Variants in CLVS1 observed in about 807,000 individuals in gnomAD.
CLVS1 encodes clavesin-1.
A neutral mutation model predicts 33.1 loss-of-function variants in CLVS1; 10 were observed. The observed-to-expected ratio is 0.30, with a 90% CI of 0.19 to 0.51. The LOEUF (loss-of-function observed/expected upper bound fraction) is 0.51. Among genes scored for constraint, CLVS1 ranks in the 20% least tolerant of loss-of-function variants. The pLI is 0.97. For synonymous variants in CLVS1, 163 were observed against 166.1 expected (o/e 0.98, Z 0.14); for missense variants, 343 against 433.4 (o/e 0.79, Z 1.85).
chr8:61,031,137 G>A, the CLVS1 span, among the ~76,000 whole-genome samples: 3 of 152,204 alleles, frequency 2.0e-5, no homozygotes, highest in African/African-American at 7.2e-5. Flanking sequence ...GATTCTGCAA[G>A]AAGAACAGAA....
intron 3 of CLVS1, among the ~76,000 whole-genome samples, chr8:61,437,219 C>A (rs1441946594): frequency 6.6e-6 from 1 of 152,144 alleles, no homozygotes; most frequent in African/African-American, 2.4e-5. Context: ...AACTTGTAAT[C>A]CCTTCATTTG....
At chr8:61,296,936 T>C (rs1017350874) in intron 1 of CLVS1, among the ~76,000 whole-genome samples, 3 of 152,112 alleles carry the variant, frequency 2.0e-5, no homozygotes, top group African/African-American at 7.2e-5. Flanking sequence ...GAAAGGAAAA[T>C]GGCAGTAGAA....
chr8:61,497,319 A>G (rs1000930343), intron 5 of CLVS1, among the ~76,000 whole-genome samples: 3 of 152,154 alleles, frequency 2.0e-5, no homozygotes, highest in African/African-American at 7.2e-5. Flanking sequence ...GTAAGTTTCC[A>G]GTTGTCCTTC....
chr8:60,992,037 C>G, the CLVS1 span, among the ~76,000 whole-genome samples: 1 of 152,156 alleles, frequency 6.6e-6, no homozygotes, highest in Non-Finnish European at 1.5e-5. Context: ...CGTGAGCCAC[C>G]ACACCTGGCC....
chr8:61,196,085 AG>A (rs1485517092), intron 2 of CLVS1, among the ~76,000 whole-genome samples: 2 of 152,186 alleles, frequency 1.3e-5, no homozygotes, highest in Admixed American at 6.6e-5. Flanking sequence ...GAAACATTCT[AG>A]AAGAATTAAA....
At chr8:61,148,434 A>G (rs781707910) in intron 2 of CLVS1, among the ~76,000 whole-genome samples, 1 of 152,218 alleles carries the variant, frequency 6.6e-6, no homozygotes, top group Non-Finnish European at 1.5e-5. Context: ...CTCAATAGAA[A>G]AAAGTCCACA....
At chr8:61,178,986 A>G (rs1238916864) in intron 2 of CLVS1, among the ~76,000 whole-genome samples, 1 of 152,258 alleles carries the variant, frequency 6.6e-6, no homozygotes, top group Non-Finnish European at 1.5e-5. Context: ...GATCAAATTC[A>G]CACAAAAGAA....
At chr8:61,098,096 G>A (rs572697727) in intron 1 of CLVS1, among the ~76,000 whole-genome samples, 1 of 152,104 alleles carries the variant, frequency 6.6e-6, no homozygotes, top group East Asian at 1.9e-4. Context: ...GGAGTATGAG[G>A]CTGCAGTGAG....
At chr8:61,495,122 G>A (rs1350041134) in intron 5 of CLVS1, among the ~76,000 whole-genome samples, 1 of 152,158 alleles carries the variant, frequency 6.6e-6, no homozygotes, top group African/African-American at 2.4e-5. Flanking sequence ...TTGACTCAAT[G>A]TGGAGGGGGA....
intron 5 of CLVS1, among the ~76,000 whole-genome samples, chr8:61,468,718 A>T (rs1208894825): frequency 5.7e-5 from 1 of 17,676 alleles, no homozygotes; most frequent in East Asian, 2.8e-3. Context: ...AAAAGTACTA[A>T]AAAAAAAAAA....
chr8:61,315,264 T>G (rs774569387), intron 2 of CLVS1, among the ~76,000 whole-genome samples: 5 of 152,246 alleles, frequency 3.3e-5, no homozygotes, highest in Non-Finnish European at 5.9e-5. Context: ...TTTTCATTTT[T>G]AGACTTTTTG....
the CLVS1 span, among the ~76,000 whole-genome samples, chr8:61,049,548 T>C: frequency 9.9e-5 from 15 of 152,248 alleles, no homozygotes; most frequent in Non-Finnish European, 1.6e-4. Context: ...TACCACAATC[T>C]GAGGTCCAGT....
chr8:60,979,293 T>A, the CLVS1 span, among the ~76,000 whole-genome samples: 1 of 152,230 alleles, frequency 6.6e-6, no homozygotes, highest in Non-Finnish European at 1.5e-5. Context: ...CTCCCCTCGA[T>A]GGGGCCTGCC....
intron 2 of CLVS1, among the ~76,000 whole-genome samples, chr8:61,369,949 A>G (rs1346974523): frequency 6.6e-6 from 1 of 152,238 alleles, no homozygotes; most frequent in Non-Finnish European, 1.5e-5. Flanking sequence ...CTGAAACTGT[A>G]AGAACCACAT....
At chr8:61,034,862 C>G in the CLVS1 span, among the ~76,000 whole-genome samples, 45 of 152,164 alleles carry the variant, frequency 3.0e-4, no homozygotes, top group African/African-American at 1.0e-3. Context: ...CAGGATACAT[C>G]AGATCAAACT....
intron 2 of CLVS1, among the ~76,000 whole-genome samples, chr8:61,167,429 G>T (rs370080373): frequency 2.0e-5 from 3 of 151,938 alleles, no homozygotes; most frequent in South Asian, 4.2e-4. Flanking sequence ...TGATCCACCC[G>T]CCTCGGCCTC....
chr8:60,972,895 G>A, the CLVS1 span, among the ~76,000 whole-genome samples: 3 of 152,190 alleles, frequency 2.0e-5, no homozygotes, highest in Non-Finnish European at 2.9e-5. Context: ...TCTCTCTATT[G>A]CAATTCCTCA....
chr8:60,976,095 T>C, the CLVS1 span, among the ~76,000 whole-genome samples: 1 of 152,212 alleles, frequency 6.6e-6, no homozygotes, highest in African/African-American at 2.4e-5. Flanking sequence ...CTTTGATCTT[T>C]CAATTCTGAC....
chr8:61,208,197 A>G (rs555306480), intron 2 of CLVS1, among the ~76,000 whole-genome samples: 3 of 152,364 alleles, frequency 2.0e-5, no homozygotes, highest in African/African-American at 7.2e-5. Context: ...TCACCAGAAC[A>G]CTTGCTAAGG....
Sources: gnomAD v4.1 joint callset for allele counts (sites outside exome capture counted in the v4.1 genomes callset) on GRCh38, gnomAD v4.1.1 for gene constraint, MANE v1.5 for transcripts, NCBI Gene and HGNC (gene_info 2026-07-23, HGNC 2026-07-21) for gene names.